Variants in CRIM1 observed in about 807,000 individuals in gnomAD.
CRIM1 encodes the protein cysteine-rich motor neuron 1 protein.
Under a neutral mutation model 116.4 loss-of-function variants are expected in CRIM1, and 32 were observed. The observed-to-expected ratio is 0.27, with a 90% CI of 0.21 to 0.37. The LOEUF (loss-of-function observed/expected upper bound fraction) is 0.37. Among genes scored for constraint, CRIM1 ranks in the 10% least tolerant of loss-of-function variants. CRIM1 has a pLI of 1.00. For missense variants in CRIM1, 1,331 were observed against 1,354.8 expected, an observed-to-expected ratio of 0.98 and a Z score of 0.28; for synonymous variants, 590 against 509.2, an observed-to-expected ratio of 1.16 and a Z score of -2.13.
chr2:36,361,743 G>A (rs932794210), intron 1 of CRIM1, among the ~76,000 whole-genome samples: 2 of 152,148 alleles, frequency 1.3e-5, no homozygotes, highest in Admixed American at 6.5e-5. Flanking sequence ...AAATACAAGA[G>A]GGTAGGAGGT....
At chr2:36,436,970 A>G (rs1010760275) in intron 2 of CRIM1, among the ~76,000 whole-genome samples, 7 of 152,274 alleles carry the variant, frequency 4.6e-5, no homozygotes, top group African/African-American at 1.7e-4. Flanking sequence ...AACCAAAGCA[A>G]TATTTGATTG....
intron 8 of CRIM1, among the ~76,000 whole-genome samples, chr2:36,506,157 A>ACTCTCTCT (rs1191448142): frequency 7.0e-4 from 88 of 125,246 alleles, no homozygotes; most frequent in African/African-American, 2.5e-3. Context: ...ACACACACAC[A>ACTCTCTCT]CTCTCTCTCT....
At chr2:36,420,671 A>G (rs576623611) in intron 2 of CRIM1, among the ~76,000 whole-genome samples, 1 of 152,138 alleles carries the variant, frequency 6.6e-6, no homozygotes, top group South Asian at 2.1e-4. Context: ...TGAGGTTTGC[A>G]GGATAATTAA....
chr2:36,506,691 A>C (rs1281246410), intron 8 of CRIM1, among the ~76,000 whole-genome samples: 1 of 152,112 alleles, frequency 6.6e-6, no homozygotes, highest in Non-Finnish European at 1.5e-5. Flanking sequence ...ATGTATTAGA[A>C]AGCAATTTTA....
chr2:36,357,069 G>A (rs560878634), intron 1 of CRIM1, among the ~76,000 whole-genome samples: 52 of 152,352 alleles, frequency 3.4e-4, no homozygotes, highest in African/African-American at 1.1e-3. Context: ...GGCCGCGAAA[G>A]TCCTTTTTCT....
At chr2:36,430,470 T>A (rs1674798282) in intron 2 of CRIM1, among the ~76,000 whole-genome samples, 1 of 152,226 alleles carries the variant, frequency 6.6e-6, no homozygotes, top group South Asian at 2.1e-4. Context: ...TTGCTACAGG[T>A]CAAGTTGTAG....
At chr2:36,380,062 G>A (rs192050693) in intron 1 of CRIM1, among the ~76,000 whole-genome samples, 239 of 152,210 alleles carry the variant, frequency 1.6e-3, no homozygotes, top group Admixed American at 4.0e-3. Flanking sequence ...TGCATGAATG[G>A]CAGCCCTAAA....
At position 36,520,323 on chromosome 2, in the gene CRIM1, C is replaced by T. The variant is rs76138664; in HGVS notation, c.2207-1769C>T. Among the ~76,000 whole-genome samples, 3 of 152,210 alleles carry T rather than the reference C, an allele frequency of 2.0e-5. No individual in the cohort carries two copies. The East Asian group carries it at 5.8e-4, about 29-fold the overall frequency. On this transcript the variant is annotated intron_variant, in intron 12 of 16. Transcript: ENST00000280527. Reference sequence around the variant, plus strand: ...GTTTTTAGACAGAGGTTGGGCAATGCTTGCATGAGCTAAGTTAACGTAAGT... The same window carrying T: ...GTTTTTAGACAGAGGTTGGGCAATGTTTGCATGAGCTAAGTTAACGTAAGT...
intron 4 of CRIM1, among the ~76,000 whole-genome samples, chr2:36,449,410 T>G (rs1410381229): frequency 6.6e-6 from 1 of 152,190 alleles, no homozygotes; most frequent in Non-Finnish European, 1.5e-5. Context: ...ACATTCTGTG[T>G]CATGCACTTT....
At chr2:36,391,689 T>C (rs1671617245) in intron 1 of CRIM1, among the ~76,000 whole-genome samples, 1 of 152,130 alleles carries the variant, frequency 6.6e-6, no homozygotes, top group Admixed American at 6.5e-5. Flanking sequence ...ACAGACCGCT[T>C]AGAAGCCTGA....
At chr2:36,408,222 C>T (rs79258115) in intron 2 of CRIM1, among the ~76,000 whole-genome samples, 1 of 152,238 alleles carries the variant, frequency 6.6e-6, no homozygotes, top group African/African-American at 2.4e-5. Context: ...GTGCCTAAAA[C>T]TTCACCAACC....
chr2:36,513,772 G>A lies in CRIM1; in HGVS notation c.1990+7G>A. Reference sequence around the variant, plus strand: ...TGCTGCCCATCATGTGCAGGTAAAAGCTGGCTGCCATCTGTGTGCTCCATA... The same window carrying A: ...TGCTGCCCATCATGTGCAGGTAAAAACTGGCTGCCATCTGTGTGCTCCATA... On this transcript the variant is annotated splice_region_variant and intron_variant, in intron 11 of 16. Transcript: ENST00000280527. The A allele has an allele frequency of 6.2e-7, 1 of 1,612,946 alleles. No individual in the cohort carries two copies. The highest frequency in any genetic ancestry group is 8.5e-7 in the Non-Finnish European group (1 of 1,179,284).
chr2:36,492,420 TC>T (rs1452318566), intron 7 of CRIM1, among the ~76,000 whole-genome samples: 3 of 152,148 alleles, frequency 2.0e-5, no homozygotes, highest in Admixed American at 6.5e-5. Context: ...AAGTACACAT[TC>T]AGATGCTACG....
intron 1 of CRIM1, among the ~76,000 whole-genome samples, chr2:36,361,642 C>T (rs1253390253): frequency 6.6e-6 from 1 of 152,118 alleles, no homozygotes; most frequent in Non-Finnish European, 1.5e-5. Context: ...ACATTCCAGA[C>T]ATTAATTGTG....
In CRIM1 at chr2:36,549,904, TGA is replaced by T. The variant is rs1378052886; in HGVS notation, c.*1206_*1207del. 2 of 152,392 alleles carry T rather than the reference TGA, an allele frequency of 1.3e-5. No individual in the cohort carries two copies. Among genetic ancestry groups the T allele is most frequent in the East Asian group, 3.8e-4 (2 of 5,196 alleles). The allele number at this position is 152,392 out of a possible 1,614,324, so 9.4% of individuals were successfully genotyped here. A position where few individuals can be genotyped will look rare whatever the true frequency, so the allele number is the denominator to read the frequency against. ...TGTTTTCCTGTTGAATGTATTTTTATGAGATTTTAACCAGAACAAAGGCAGAT... is the reference window on the plus strand; with the variant it reads ...TGTTTTCCTGTTGAATGTATTTTTATGATTTTAACCAGAACAAAGGCAGAT... On this transcript the variant is annotated 3_prime_UTR_variant, in exon 17 of 17. Coordinates refer to ENST00000280527, the MANE Select transcript of CRIM1 (RefSeq NM_016441.3).
rs1668765798 is a variant in CRIM1 at position 36,355,945 on chromosome 2, G to A, written c.-348G>A. The A allele has an allele frequency of 6.6e-6, 1 of 152,034 alleles. No homozygotes were observed. 9.4% of individuals were successfully genotyped at this position (152,034 alleles called of 1,614,324 possible). A position where few individuals can be genotyped will look rare whatever the true frequency, so the allele number is the denominator to read the frequency against. On this transcript the variant is annotated 5_prime_UTR_variant, in exon 1 of 17. Coordinates refer to ENST00000280527, the MANE Select transcript of CRIM1 (RefSeq NM_016441.3). ...GGAGGCGCCGCCGGCCCGGGCTGGA[G>A]CCGAGCGCAGCAGCCACCGCCGCCG...
chr2:36,536,055 A>G (rs753456585), intron 13 of CRIM1, among the ~76,000 whole-genome samples: 1 of 152,224 alleles, frequency 6.6e-6, no homozygotes, highest in Non-Finnish European at 1.5e-5. Context: ...TGTAGAGACC[A>G]CAGATCGGTG....
intron 1 of CRIM1, among the ~76,000 whole-genome samples, chr2:36,373,385 G>A (rs1323877059): frequency 2.6e-5 from 4 of 152,336 alleles, no homozygotes; most frequent in Non-Finnish European, 5.9e-5. Flanking sequence ...TGGGTGTGAA[G>A]TGCAACCAGC....
intron 1 of CRIM1, among the ~76,000 whole-genome samples, chr2:36,374,189 A>G (rs4670144): frequency 0.22 from 33,908 of 152,182 alleles, 4,124 homozygotes; most frequent in South Asian, 0.34. Context: ...ATGAGGGAAG[A>G]GGCCTTGCCT....
Sources: gnomAD v4.1 joint callset for allele counts (sites outside exome capture counted in the v4.1 genomes callset) on GRCh38, gnomAD v4.1.1 for gene constraint, MANE v1.5 for transcripts, NCBI Gene and HGNC (gene_info 2026-07-23, HGNC 2026-07-21) for gene names.